NME7: variants seen among roughly 807,000 people sequenced by gnomAD.
The protein encoded by NME7 is nucleoside diphosphate kinase 7.
A neutral mutation model predicts 49.1 loss-of-function variants in NME7; 41 were observed. That is an observed-to-expected ratio of 0.83 (90% confidence interval 0.65 to 1.08). The LOEUF (loss-of-function observed/expected upper bound fraction) is 1.08, where lower values mean the gene tolerates loss of function less well. Among genes scored for constraint, NME7 ranks in the 50% least tolerant of loss-of-function variants. The pLI, the probability that NME7 is intolerant of heterozygous loss-of-function variation, is 0.00. For synonymous variants in NME7, 139 were observed against 150.6 expected, an observed-to-expected ratio of 0.92 and a Z score of 0.56; for missense variants, 423 against 463.4, an observed-to-expected ratio of 0.91 and a Z score of 0.80.
intron 1 of NME7, among the ~76,000 whole-genome samples, chr1:169,348,922 G>A (rs1203950031): frequency 2.7e-5 from 4 of 150,750 alleles, no homozygotes; most frequent in South Asian, 2.1e-4. Flanking sequence ...TTTAAACATC[G>A]TGACCCTAAG....
intron 11 of NME7, among the ~76,000 whole-genome samples, chr1:169,165,131 TTGAC>T (rs1199327083): frequency 1.3e-5 from 2 of 152,104 alleles, no homozygotes; most frequent in Non-Finnish European, 2.9e-5. Flanking sequence ...AATCACAAAA[TTGAC>T]TGGGTCACAA....
At chr1:169,202,785 T>C (rs1571287497) in intron 10 of NME7, among the ~76,000 whole-genome samples, 2 of 151,986 alleles carry the variant, frequency 1.3e-5, no homozygotes, top group East Asian at 3.9e-4. Context: ...AAACATGCAA[T>C]TGGAGGGAGG....
At position 169,287,414 on chromosome 1, in the gene NME7, G is replaced by A. The variant is rs1473557208; in HGVS notation, c.649-6C>T. On this transcript the variant is annotated splice_polypyrimidine_tract_variant and splice_region_variant and intron_variant, in intron 6 of 11. Coordinates refer to ENST00000367811, the MANE Select transcript of NME7 (RefSeq NM_013330.5). ...GGAAAAAACAACTCCATTTCCTAAAGACAGAGAGAAATGATTTTGACAAAT... is the reference window on the plus strand; with the variant it reads ...GGAAAAAACAACTCCATTTCCTAAAAACAGAGAGAAATGATTTTGACAAAT... 2 of 1,571,432 alleles carry A rather than the reference G, an allele frequency of 1.3e-6. No individual in the cohort carries two copies. Among genetic ancestry groups the A allele is most frequent in the Non-Finnish European group, 8.6e-7 (1 of 1,158,780 alleles).
intron 6 of NME7, among the ~76,000 whole-genome samples, chr1:169,293,301 C>CAAA (rs200283897): frequency 3.7e-5 from 4 of 108,674 alleles, no homozygotes; most frequent in Admixed American, 8.8e-5. Context: ...CTCTTGTCTC[C>CAAA]AAAAAAAAAA....
intron 7 of NME7, among the ~76,000 whole-genome samples, chr1:169,248,784 G>T (rs2101842589): frequency 6.6e-6 from 1 of 152,164 alleles, no homozygotes; most frequent in Middle Eastern, 3.4e-3. Flanking sequence ...AGATCAGTTG[G>T]TTGTAAGTAT....
intron 3 of NME7, 56 bp downstream of exon 3, chr1:169,323,061 T>C (rs1056052483): frequency 1.0e-4 from 141 of 1,379,952 alleles, no homozygotes; most frequent in Non-Finnish European, 1.3e-4. Context: ...TTGATTCAGA[T>C]TGACTTTGAA....
At chr1:169,214,953 G>A (rs1031699217) in intron 10 of NME7, among the ~76,000 whole-genome samples, 6 of 152,248 alleles carry the variant, frequency 3.9e-5, no homozygotes, top group South Asian at 2.1e-4. Flanking sequence ...GCTGCCCTCC[G>A]CCAGTGAGGG....
At chr1:169,278,449 A>C (rs1337409414) in intron 7 of NME7, among the ~76,000 whole-genome samples, 3 of 151,850 alleles carry the variant, frequency 2.0e-5, no homozygotes, top group African/African-American at 7.3e-5. Context: ...ATCTTCCATC[A>C]CTGAAACCCT....
intron 1 of NME7, among the ~76,000 whole-genome samples, chr1:169,363,676 T>C (rs988343812): frequency 6.6e-5 from 10 of 152,340 alleles, no homozygotes; most frequent in African/African-American, 2.4e-4. Context: ...CATAAGTTCC[T>C]AAAATATACC....
intron 1 of NME7, among the ~76,000 whole-genome samples, chr1:169,354,446 C>A (rs978506512): frequency 1.3e-5 from 2 of 151,618 alleles, no homozygotes; most frequent in African/African-American, 4.8e-5. Flanking sequence ...GTGAGTAAGA[C>A]CTAGTATTCA....
At chr1:169,134,160 C>A (rs1157238342) in intron 11 of NME7, among the ~76,000 whole-genome samples, 2 of 152,210 alleles carry the variant, frequency 1.3e-5, no homozygotes, top group African/African-American at 2.4e-5. Flanking sequence ...CAGATACCTA[C>A]CATATGCCAA....
rs1478155804 is a variant in NME7 at position 169,298,747 on chromosome 1, T to C, written c.457A>G (p.Ile153Val). 1 of 1,613,504 alleles carries C rather than the reference T, an allele frequency of 6.2e-7. No homozygotes were observed. Among genetic ancestry groups the C allele is most frequent in the South Asian group, 1.1e-5 (1 of 91,066 alleles). ...ATGGCAATAATAGGACCAGTTGTAA[T>C]AAACTGGATCAGCTCACTACAAAAC... ...RPFFNELIQF[I>V]TTGPIIAMEI... Residue 153 changes from isoleucine to valine, a missense_variant, in exon 6 of 12, where the codon ATT (isoleucine) becomes GTT (valine). Physicochemically the swap from Ile to Val is conservative, Grantham distance 29 (BLOSUM62 3). Transcript: ENST00000367811.
chr1:169,232,943 A>T (rs1647701923), intron 9 of NME7, among the ~76,000 whole-genome samples: 2 of 84,322 alleles, frequency 2.4e-5, no homozygotes, highest in South Asian at 3.7e-4. Flanking sequence ...TTTTTGAGAC[A>T]GAGTTTTGCT....
chr1:169,207,017 C>T (rs1355338446), intron 10 of NME7, among the ~76,000 whole-genome samples: 2 of 152,032 alleles, frequency 1.3e-5, no homozygotes, highest in African/African-American at 4.8e-5. Context: ...TATAAAGAAA[C>T]ATCTGAGGAT....
intron 4 of NME7, among the ~76,000 whole-genome samples, chr1:169,306,734 C>A (rs1321181787): frequency 6.6e-6 from 1 of 152,112 alleles, no homozygotes; most frequent in Non-Finnish European, 1.5e-5. Flanking sequence ...TAACATACAA[C>A]AAGCTGGATG....
Position 169,258,879 on chromosome 1 carries a change from T to C in NME7, c.755-21192A>G, listed in dbSNP as rs143679716. Among the ~76,000 whole-genome samples the C allele has an allele frequency of 7.9e-3, 1,049 of 132,948 alleles. 138 individuals are homozygous for C. Among genetic ancestry groups the C allele is most frequent in the African/African-American group, 0.025 (983 of 39,384 alleles). 87.2% of individuals were successfully genotyped at this position (132,948 alleles called of 152,430 possible). A position where few individuals can be genotyped will look rare whatever the true frequency, so the allele number is the denominator to read the frequency against. Reference sequence around the variant, plus strand: ...GGGAACTTATTACAAATGCAGATTCTTGGGCTCTAAACCAGATATTCCAAA... The same window carrying C: ...GGGAACTTATTACAAATGCAGATTCCTGGGCTCTAAACCAGATATTCCAAA... On this transcript the variant is annotated intron_variant, in intron 7 of 11. Transcript: ENST00000367811.
intron 10 of NME7, among the ~76,000 whole-genome samples, chr1:169,213,929 T>C (rs1323107632): frequency 6.6e-6 from 1 of 152,134 alleles, no homozygotes; most frequent in African/African-American, 2.4e-5. Flanking sequence ...CCCAGTGCTA[T>C]ACATTCATTC....
chr1:169,367,529 T>A (rs1270927483), intron 1 of NME7, among the ~76,000 whole-genome samples, 179 bp downstream of exon 1: 1 of 152,086 alleles, frequency 6.6e-6, no homozygotes, highest in African/African-American at 2.4e-5. Flanking sequence ...GAATTCAGGG[T>A]GCTGTAAGAA....
chr1:169,268,904 T>C (rs183758186), intron 7 of NME7, among the ~76,000 whole-genome samples: 1 of 133,658 alleles, frequency 7.5e-6, no homozygotes, highest in Admixed American at 7.4e-5. Flanking sequence ...AGAGTTTGCC[T>C]ACATAACAAA....
Sources: gnomAD v4.1 joint callset for allele counts (sites outside exome capture counted in the v4.1 genomes callset) on GRCh38, gnomAD v4.1.1 for gene constraint, MANE v1.5 for transcripts, NCBI Gene and HGNC (gene_info 2026-07-23, HGNC 2026-07-21) for gene names.